Variants in MBP observed in about 807,000 individuals in gnomAD.
MBP encodes myelin basic protein, also known as Golli-MBP.
Under a neutral mutation model 35.8 loss-of-function variants are expected in MBP, and 16 were observed. The ratio of observed to expected loss-of-function variants is 0.45; its 90% CI spans 0.30 to 0.68. The LOEUF is 0.68. Ranked by LOEUF, MBP falls within the 30% of genes least tolerant of loss-of-function variation. The pLI is 0.08. For synonymous variants in MBP, 143 were observed against 159.6 expected (o/e 0.90, Z 0.78); for missense variants, 380 against 404.7 (o/e 0.94, Z 0.52).
chr18:77,114,777 T>C (rs944891950), intron 1 of MBP: 5 of 152,294 alleles, frequency 3.3e-5, no homozygotes, highest in African/African-American at 1.2e-4. Flanking sequence ...CACAGGAGCA[T>C]AGGTCAGGTC....
At chr18:77,032,399 C>T (rs553095794) in intron 3 of MBP, among the ~76,000 whole-genome samples, 14 of 152,372 alleles carry the variant, frequency 9.2e-5, no homozygotes, top group African/African-American at 3.1e-4. Context: ...ACCCACCCAT[C>T]TCACACCAAT....
In MBP at chr18:76,988,305, G is replaced by T; in HGVS notation, c.750+190C>A. On this transcript the variant is annotated intron_variant, in intron 7 of 8. Coordinates refer to ENST00000355994, the MANE Select transcript of MBP (RefSeq NM_001025101.2). This position sits in a 1 kb window ranked among gnomAD's most constrained non-coding sequence, Gnocchi z 5.2. Reference sequence around the variant, plus strand: ...ACAGAAGCAAGAGACCAGACCTTCCGGAAGGGAAGACCACGTTTCATTTCC... The same window carrying T: ...ACAGAAGCAAGAGACCAGACCTTCCTGAAGGGAAGACCACGTTTCATTTCC... 6.4e-7 allele frequency: 1 copy of T among 1,561,264 alleles called. No homozygotes were observed. The highest frequency in any genetic ancestry group is 8.7e-7 in the Non-Finnish European group (1 of 1,152,502).
At chr18:77,084,317 G>A (rs1455390013) in intron 2 of MBP, among the ~76,000 whole-genome samples, 1 of 151,872 alleles carries the variant, frequency 6.6e-6, no homozygotes, top group Non-Finnish European at 1.5e-5. Context: ...GGCCACGAAG[G>A]GAGGATTTTC....
intron 3 of MBP, among the ~76,000 whole-genome samples, chr18:77,056,985 C>A (rs2144736514): frequency 6.6e-6 from 1 of 152,282 alleles, no homozygotes; most frequent in South Asian, 2.1e-4. Context: ...CACTCAGCCG[C>A]TGAGAAGCAG....
In MBP at chr18:76,979,986, T is replaced by A; in HGVS notation, c.*441A>T. On this transcript the variant is annotated 3_prime_UTR_variant, in exon 9 of 9. Coordinates refer to ENST00000355994, the MANE Select transcript of MBP (RefSeq NM_001025101.2). ...GAAAAAAAAACAAAGGAAGCTTGGA[T>A]GTCAACAGTCCTCTCTGCCGCCCAC... is the stretch of plus-strand genomic sequence containing the variant. 1.4e-6 allele frequency: 1 copy of A among 702,438 alleles called. No individual in the cohort carries two copies. Among genetic ancestry groups the A allele is most frequent in the South Asian group, 1.5e-5 (1 of 67,592 alleles). The allele number at this position is 702,438 out of a possible 1,614,324, so 43.5% of individuals were successfully genotyped here. A position where few individuals can be genotyped will look rare whatever the true frequency, so the allele number is the denominator to read the frequency against.
At chr18:77,104,228 A>T (rs938837580) in intron 2 of MBP, among the ~76,000 whole-genome samples, 2 of 152,188 alleles carry the variant, frequency 1.3e-5, no homozygotes, top group African/African-American at 2.4e-5. Context: ...TACAAGACAC[A>T]TGGGAGCAGG....
chr18:76,980,760 T>C (rs984694702), intron 8 of MBP: 2 of 402,130 alleles, frequency 5.0e-6, no homozygotes, highest in African/African-American at 2.0e-5. Context: ...GCTGCACTTC[T>C]GTGGGTGAAA....
At chr18:76,987,148 C>T (rs749300621) in intron 7 of MBP, 228 of 985,354 alleles carry the variant, frequency 2.3e-4, no homozygotes, top group Non-Finnish European at 2.6e-4. Context: ...AACCCCCCAT[C>T]GCTCCACATT....
At chr18:77,028,128 G>C (rs1175290204) in intron 3 of MBP, among the ~76,000 whole-genome samples, 2 of 148,892 alleles carry the variant, frequency 1.3e-5, no homozygotes, top group Admixed American at 6.7e-5. Context: ...CTAGGCAGAG[G>C]ACCCTGCGGC....
chr18:77,010,583 A>G (rs960176412), intron 4 of MBP, among the ~76,000 whole-genome samples: 1 of 152,226 alleles, frequency 6.6e-6, no homozygotes, highest in Non-Finnish European at 1.5e-5. Context: ...TTAGCCAATT[A>G]CTTAAAGTTG....
rs573558872 is a variant in MBP, at chr18:76,991,500, T to A, written c.577-1440A>T. 5.9e-5 allele frequency among the ~76,000 whole-genome samples: 9 copies of A among 152,234 alleles called. No homozygotes were observed. The South Asian group carries it at 1.9e-3, about 32-fold the overall frequency. On this transcript the variant is annotated intron_variant, in intron 4 of 8. Coordinates refer to ENST00000355994, the MANE Select transcript of MBP (RefSeq NM_001025101.2). ...TTGTCTGCTCGGCTCTCAGCTCAAC[T>A]GCAAAGGCCCAACAGCGGTGAATGC... is the stretch of plus-strand genomic sequence containing the variant.
chr18:77,067,223 C>T (rs79876380), intron 2 of MBP, among the ~76,000 whole-genome samples: 17,331 of 152,300 alleles, frequency 0.11, 1,299 homozygotes, highest in Middle Eastern at 0.18. Context: ...CCGCCCCCTT[C>T]TGGGAGGCAG....
Position 77,044,904 on chromosome 18 carries a change from TGA to T in MBP, c.139+21392_139+21393del, listed in dbSNP as rs1245014354. Among the ~76,000 whole-genome samples the T allele has an allele frequency of 1.5e-5, 2 of 132,742 alleles. No homozygotes were observed. Among genetic ancestry groups the T allele is most frequent in the East Asian group, 2.5e-4 (1 of 4,056 alleles). The allele number at this position is 132,742 out of a possible 152,430, so 87.1% of individuals were successfully genotyped here. ...CTGTGTGTAAGTGTGTGTGACTGTGTGAGTGTGTAAGAAAATGTGAGTCTGTG... is the reference window on the plus strand; with the variant it reads ...CTGTGTGTAAGTGTGTGTGACTGTGTGTGTGTAAGAAAATGTGAGTCTGTG... On this transcript the variant is annotated intron_variant, in intron 3 of 8. Coordinates refer to ENST00000355994, the MANE Select transcript of MBP (RefSeq NM_001025101.2). This position sits in a 1 kb window ranked among gnomAD's most constrained non-coding sequence, Gnocchi z 4.4.
At chr18:77,078,481 A>G (rs1974751645) in intron 2 of MBP, among the ~76,000 whole-genome samples, 1 of 152,210 alleles carries the variant, frequency 6.6e-6, no homozygotes, top group Non-Finnish European at 1.5e-5. Flanking sequence ...AAGAAGGTTC[A>G]TGTCAAAAAC....
intron 2 of MBP, among the ~76,000 whole-genome samples, chr18:77,073,419 T>C (rs1974528763): frequency 6.6e-6 from 1 of 152,156 alleles, no homozygotes; most frequent in South Asian, 2.1e-4. Flanking sequence ...TTCACAGCAG[T>C]AGCAACATTT....
intron 4 of MBP, chr18:77,004,089 C>A (rs565094090): frequency 5.3e-5 from 8 of 152,172 alleles, no homozygotes; most frequent in Admixed American, 5.2e-4. Flanking sequence ...ACGACACATC[C>A]GACTGTAAAT....
intron 2 of MBP, 74 bp from the exon 3 acceptor site, chr18:77,066,459 T>C: frequency 3.2e-6 from 3 of 936,152 alleles, no homozygotes; most frequent in Non-Finnish European, 5.3e-6. Flanking sequence ...GTAATGCATT[T>C]GTCTCTTTAT....
intron 1 of MBP, among the ~76,000 whole-genome samples, chr18:77,117,351 G>A (rs549505945): frequency 6.6e-6 from 1 of 152,236 alleles, no homozygotes; most frequent in Admixed American, 6.5e-5. Context: ...TGAACTTTTC[G>A]AGTGTTTTCT....
intron 2 of MBP, among the ~76,000 whole-genome samples, chr18:77,081,156 C>T (rs564919988): frequency 6.6e-6 from 1 of 152,258 alleles, no homozygotes; most frequent in Non-Finnish European, 1.5e-5. Context: ...CAAGTGCCTC[C>T]TGGGCGGCAG....
Sources: gnomAD v4.1 joint callset for allele counts (sites outside exome capture counted in the v4.1 genomes callset) on GRCh38, gnomAD v4.1.1 for gene constraint, Gnocchi (gnomAD v3.1) non-coding constraint, MANE v1.5 for transcripts, NCBI Gene and HGNC (gene_info 2026-07-23, HGNC 2026-07-21) for gene names.